ALG9: variants seen among roughly 807,000 people sequenced by gnomAD.
ALG9 encodes the protein ALG9 alpha-1,2-mannosyltransferase.
A neutral mutation model predicts 81.8 loss-of-function variants in ALG9; 55 were observed. That is an observed-to-expected ratio of 0.67 (90% CI 0.54 to 0.84). The LOEUF is 0.84. ALG9 is among the 40% of genes least tolerant of loss of function. The pLI, the probability that ALG9 is intolerant of heterozygous loss-of-function variation, is 0.00. For synonymous variants in ALG9, 278 were observed against 274.3 expected (o/e 1.01, Z -0.13); for missense variants, 629 against 745.0 (o/e 0.84, Z 1.81).
At chr11:111,866,848 C>A (rs1426958715) in intron 3 of ALG9, among the ~76,000 whole-genome samples, 1 of 151,166 alleles carries the variant, frequency 6.6e-6, no homozygotes, top group Admixed American at 6.6e-5. Context: ...AATCCCAGCA[C>A]TTTGGAGGCC....
the ALG9 span, among the ~76,000 whole-genome samples, chr11:111,775,433 C>T: frequency 2.6e-5 from 4 of 152,184 alleles, no homozygotes; most frequent in African/African-American, 9.7e-5. Context: ...TCTAGGATTT[C>T]AGGAAATCAA....
intron 14 of ALG9, among the ~76,000 whole-genome samples, chr11:111,799,669 T>C (rs1382127547): frequency 2.0e-5 from 3 of 152,170 alleles, no homozygotes; most frequent in Non-Finnish European, 2.9e-5. Flanking sequence ...ATCCTGCTTT[T>C]TGGAACAAGT....
downstream of ALG9, among the ~76,000 whole-genome samples, chr11:111,778,600 C>A (rs1945758414): frequency 6.6e-6 from 1 of 151,968 alleles, no homozygotes; most frequent in Non-Finnish European, 1.5e-5. Flanking sequence ...GAAAAGGACA[C>A]CAAATATGTT....
At chr11:111,825,423 G>A (rs983290357) in intron 13 of ALG9, among the ~76,000 whole-genome samples, 1 of 152,148 alleles carries the variant, frequency 6.6e-6, no homozygotes, top group Non-Finnish European at 1.5e-5. Context: ...AAATGCTCCT[G>A]CTCAATTAAC....
In ALG9 at chr11:111,785,606, T is replaced by C. The variant is rs1243160522; in HGVS notation, c.*791A>G. The C allele has an allele frequency of 6.1e-6, 1 of 162,876 alleles. No individual in the cohort carries two copies. The highest frequency in any genetic ancestry group is 1.3e-5 in the Non-Finnish European group (1 of 74,464). The allele number at this position is 162,876 out of a possible 1,614,324, so 10.1% of individuals were successfully genotyped here. On this transcript the variant is annotated 3_prime_UTR_variant, in exon 15 of 15. Transcript: ENST00000616540. ...ATTGATAGAATTTTCTCCAAATATG[T>C]CCTATACAGTTGTAGTTTTGTCTGT...
chr11:111,769,794 C>T, the ALG9 span, among the ~76,000 whole-genome samples: 1 of 152,108 alleles, frequency 6.6e-6, no homozygotes, highest in Non-Finnish European at 1.5e-5. Flanking sequence ...TACAAATATG[C>T]TTTGCTTACC....
chr11:111,780,384 T>G (rs1054419459), downstream of ALG9, among the ~76,000 whole-genome samples: 6 of 144,428 alleles, frequency 4.2e-5, no homozygotes, highest in East Asian at 2.0e-4. Context: ...AATTTGCCGT[T>G]TTTTTTTTTG....
chr11:111,847,796 T>C (rs781802459), intron 8 of ALG9, among the ~76,000 whole-genome samples: 2 of 152,144 alleles, frequency 1.3e-5, no homozygotes, highest in Admixed American at 6.5e-5. Flanking sequence ...AGCGCTCCCA[T>C]GTAAAAGGAG....
downstream of ALG9, among the ~76,000 whole-genome samples, chr11:111,780,685 C>A (rs943301277): frequency 2.0e-5 from 3 of 152,168 alleles, no homozygotes; most frequent in Admixed American, 2.0e-4. Flanking sequence ...GCATGAGCCA[C>A]CATGTCCGGC....
At chr11:111,871,171 G>A in intron 1 of ALG9, 181 bp downstream of exon 1, 1 of 1,295,202 alleles carries the variant, frequency 7.7e-7, no homozygotes, top group Non-Finnish European at 9.7e-7. Context: ...TCTAAGGTGG[G>A]CGAAGACTGA....
chr11:111,774,069 T>TAAAAAAAAAAAAAAAAAAAA, the ALG9 span, among the ~76,000 whole-genome samples: 4 of 69,732 alleles, frequency 5.7e-5, no homozygotes, highest in Admixed American at 1.8e-4. Context: ...CATATCTTAT[T>TAAAAAAAAAAAAAAAAAAAA]AAAAAAAAAA....
chr11:111,863,410 C>T (rs1374694718), intron 4 of ALG9, among the ~76,000 whole-genome samples: 4 of 152,104 alleles, frequency 2.6e-5, no homozygotes, highest in Non-Finnish European at 4.4e-5. Context: ...TGAAGGACCA[C>T]ATAGGTGATC....
At chr11:111,770,743 G>A in the ALG9 span, among the ~76,000 whole-genome samples, 4 of 152,040 alleles carry the variant, frequency 2.6e-5, no homozygotes, top group Non-Finnish European at 5.9e-5. Context: ...CTCTTTTGCT[G>A]GACTTCTGGA....
At chr11:111,801,265 G>A (rs531284691) in intron 14 of ALG9, among the ~76,000 whole-genome samples, 1 of 152,318 alleles carries the variant, frequency 6.6e-6, no homozygotes, top group East Asian at 1.9e-4. Flanking sequence ...AGGCACACAG[G>A]CTCTGACAGT....
chr11:111,856,131 G>T (rs1555142899), intron 6 of ALG9, among the ~76,000 whole-genome samples: 1 of 151,936 alleles, frequency 6.6e-6, no homozygotes, highest in East Asian at 1.9e-4. Flanking sequence ...ACAAAAATTA[G>T]CTGGGCGTGG....
chr11:111,803,531 G>A (rs1949462647), intron 14 of ALG9, among the ~76,000 whole-genome samples: 1 of 151,634 alleles, frequency 6.6e-6, no homozygotes, highest in African/African-American at 2.4e-5. Context: ...AACAAAGTTG[G>A]GGGATTGACA....
At chr11:111,804,560 C>CAG in intron 14 of ALG9, among the ~76,000 whole-genome samples, 2 of 152,256 alleles carry the variant, frequency 1.3e-5, no homozygotes, top group Admixed American at 1.3e-4. Context: ...CACTGTACTC[C>CAG]AGCTTGGGTG....
intron 14 of ALG9, among the ~76,000 whole-genome samples, chr11:111,787,419 C>A (rs141858227): frequency 6.6e-6 from 1 of 151,918 alleles, no homozygotes; most frequent in Non-Finnish European, 1.5e-5. Flanking sequence ...GGTGACAGAG[C>A]GAGACCCTAT....
intron 13 of ALG9, among the ~76,000 whole-genome samples, chr11:111,820,346 G>A (rs998879446): frequency 3.9e-5 from 6 of 152,188 alleles, no homozygotes; most frequent in African/African-American, 1.4e-4. Flanking sequence ...AGGTGCCGGC[G>A]CCTGGTAAGG....
Sources: gnomAD v4.1 joint callset for allele counts (sites outside exome capture counted in the v4.1 genomes callset) on GRCh38, gnomAD v4.1.1 for gene constraint, MANE v1.5 for transcripts, NCBI Gene and HGNC (gene_info 2026-07-23, HGNC 2026-07-21) for gene names.